Variants in HTR1E observed in about 807,000 individuals in gnomAD.
The protein encoded by HTR1E is 5-HT-1E.
A neutral mutation model predicts 3.4 loss-of-function variants in HTR1E; 3 were observed. The ratio of observed to expected loss-of-function variants is 0.89; its 90% CI spans 0.41 to 2.31. The LOEUF (loss-of-function observed/expected upper bound fraction) is 2.31, where lower values mean the gene tolerates loss of function less well. Ranked by LOEUF, HTR1E falls within the 30% of genes most tolerant of loss-of-function variation. The pLI is 0.05. For missense variants in HTR1E, 392 were observed against 467.0 expected, an observed-to-expected ratio of 0.84 and a Z score of 1.48; for synonymous variants, 170 against 182.8, an observed-to-expected ratio of 0.93 and a Z score of 0.56.
chr6:87,016,442 A>G lies in HTR1E; in HGVS notation c.*10A>G. ...CCGAGAGCATACTTAGACTGTAAAA[A>G]GCTAAAAGGCACGACTTTTTCCAGA... On this transcript the variant is annotated 3_prime_UTR_variant, in exon 2 of 2. Transcript: ENST00000305344. 1 of 1,570,000 alleles carries G rather than the reference A, an allele frequency of 6.4e-7. No individual in the cohort carries two copies. The highest frequency in any genetic ancestry group is 8.7e-7 in the Non-Finnish European group (1 of 1,155,886).
intron 1 of HTR1E, among the ~76,000 whole-genome samples, chr6:86,991,341 T>G (rs1273272528): frequency 6.6e-6 from 1 of 152,200 alleles, no homozygotes; most frequent in African/African-American, 2.4e-5. Flanking sequence ...TGTCTTTTTC[T>G]TAATTTTGAA....
chr6:86,982,227 A>G (rs972133161), intron 1 of HTR1E, among the ~76,000 whole-genome samples: 11 of 152,052 alleles, frequency 7.2e-5, no homozygotes, highest in African/African-American at 2.7e-4. Context: ...TTCCACCATA[A>G]TTACCCAATT....
At chr6:86,952,890 A>G (rs147303018) in intron 1 of HTR1E, among the ~76,000 whole-genome samples, 84 of 152,340 alleles carry the variant, frequency 5.5e-4, no homozygotes, top group African/African-American at 1.9e-3. Flanking sequence ...TGGTTACCAG[A>G]CCAGAGAATA....
intron 1 of HTR1E, among the ~76,000 whole-genome samples, chr6:86,996,407 T>A (rs1050215031): frequency 6.6e-6 from 1 of 152,142 alleles, no homozygotes; most frequent in Non-Finnish European, 1.5e-5. Context: ...TAAATTTTTA[T>A]AGAGAAAATC....
chr6:86,983,595 G>A (rs1767742171), intron 1 of HTR1E, among the ~76,000 whole-genome samples: 1 of 152,144 alleles, frequency 6.6e-6, no homozygotes, highest in South Asian at 2.1e-4. Context: ...TCTAGAGCTT[G>A]ATACCACAAT....
intron 1 of HTR1E, among the ~76,000 whole-genome samples, chr6:86,974,509 G>A (rs1767602129): frequency 6.6e-6 from 1 of 152,104 alleles, no homozygotes; most frequent in South Asian, 2.1e-4. Context: ...GGGTTTTCTA[G>A]TGTCTCCTCA....
chr6:86,993,270 T>A (rs62440837), intron 1 of HTR1E, among the ~76,000 whole-genome samples: 1 of 146,130 alleles, frequency 6.8e-6, no homozygotes, highest in Non-Finnish European at 1.5e-5. Context: ...AAAAAGTTTA[T>A]TTAAAAAAAA....
At chr6:87,007,030 T>G (rs1262005394) in intron 1 of HTR1E, among the ~76,000 whole-genome samples, 1 of 152,120 alleles carries the variant, frequency 6.6e-6, no homozygotes, top group Non-Finnish European at 1.5e-5. Flanking sequence ...ATGGCACACG[T>G]TTACCTATGT....
Position 86,972,450 on chromosome 6 carries a change from T to C in HTR1E, c.-186+34627T>C, listed in dbSNP as rs1001005723. On this transcript the variant is annotated intron_variant, in intron 1 of 1. Coordinates refer to ENST00000305344, the MANE Select transcript of HTR1E (RefSeq NM_000865.3). ...TCATTACAACTGGTGGTTGTACACATTGAAATATTGTTGTATGGGGCAGTT... is the reference window on the plus strand; with the variant it reads ...TCATTACAACTGGTGGTTGTACACACTGAAATATTGTTGTATGGGGCAGTT... Among the ~76,000 whole-genome samples, 18 of 152,320 alleles carry C rather than the reference T, an allele frequency of 1.2e-4. 1 individual carries two copies. The highest frequency in any genetic ancestry group is 3.4e-3 in the Middle Eastern group (1 of 294).
chr6:86,987,855 A>C (rs1413290522), intron 1 of HTR1E, among the ~76,000 whole-genome samples: 1 of 152,090 alleles, frequency 6.6e-6, no homozygotes, highest in Non-Finnish European at 1.5e-5. Flanking sequence ...AACCTTTTAT[A>C]AGGGTCTTAA....
chr6:86,992,236 G>C (rs963779592), intron 1 of HTR1E, among the ~76,000 whole-genome samples: 2 of 152,170 alleles, frequency 1.3e-5, no homozygotes, highest in African/African-American at 2.4e-5. Flanking sequence ...AAAGAGAAAT[G>C]TATCTGCTTT....
chr6:86,990,621 T>C (rs757672289), intron 1 of HTR1E, among the ~76,000 whole-genome samples: 26 of 152,214 alleles, frequency 1.7e-4, no homozygotes, highest in Non-Finnish European at 2.6e-4. Flanking sequence ...TTCATACTTA[T>C]ATAAATAAAC....
At chr6:86,952,629 A>G (rs952701038) in intron 1 of HTR1E, among the ~76,000 whole-genome samples, 9 of 152,098 alleles carry the variant, frequency 5.9e-5, no homozygotes, top group African/African-American at 1.9e-4. Context: ...GGGATAATCC[A>G]ATCAATCATA....
At chr6:86,991,718 T>C (rs931210931) in intron 1 of HTR1E, among the ~76,000 whole-genome samples, 6 of 152,146 alleles carry the variant, frequency 3.9e-5, no homozygotes, top group African/African-American at 1.4e-4. Flanking sequence ...GCAGAATATG[T>C]TCTAAACAAA....
At position 87,012,961 on chromosome 6, in the gene HTR1E, T is replaced by C. The variant is rs143810833; in HGVS notation, c.-185-2189T>C. Among the ~76,000 whole-genome samples, 180 of 152,292 alleles carry C rather than the reference T, an allele frequency of 1.2e-3. 1 individual carries two copies. Among genetic ancestry groups the C allele is most frequent in the African/African-American group, 4.2e-3 (176 of 41,564 alleles). On this transcript the variant is annotated intron_variant, in intron 1 of 1. Coordinates refer to ENST00000305344, the MANE Select transcript of HTR1E (RefSeq NM_000865.3). The stretch of plus-strand genomic sequence containing the variant: ...CAAAACCGCTGACTCAGGCACACTT[T>C]TTAGGTTAAAGTAAATCAGGACTTA...
intron 1 of HTR1E, among the ~76,000 whole-genome samples, chr6:87,000,711 A>T (rs976744052): frequency 3.3e-5 from 5 of 152,222 alleles, no homozygotes; most frequent in South Asian, 2.1e-4. Context: ...TAGCTGAGGG[A>T]TTTCATCAAC....
intron 1 of HTR1E, among the ~76,000 whole-genome samples, chr6:86,976,162 G>A (rs527441386): frequency 6.6e-6 from 1 of 152,192 alleles, no homozygotes; most frequent in East Asian, 1.9e-4. Flanking sequence ...AGGAGGGAGA[G>A]GGATGAGTAA....
chr6:86,980,192 C>T (rs897463475), intron 1 of HTR1E, among the ~76,000 whole-genome samples: 2 of 152,040 alleles, frequency 1.3e-5, no homozygotes, highest in African/African-American at 4.8e-5. Flanking sequence ...TGGAGACCAT[C>T]CTGGCTAACA....
intron 1 of HTR1E, among the ~76,000 whole-genome samples, chr6:86,950,172 T>C (rs1452976396): frequency 6.6e-6 from 1 of 152,240 alleles, no homozygotes; most frequent in East Asian, 1.9e-4. Context: ...GTTATTTCCC[T>C]TGAATTATAC....
Sources: allele counts gnomAD v4.1 joint callset (sites outside exome capture counted in the v4.1 genomes callset), GRCh38; gene constraint gnomAD v4.1.1; transcripts MANE v1.5; gene names NCBI Gene and HGNC (gene_info 2026-07-23, HGNC 2026-07-21).